Variants in SLC5A4 observed in about 807,000 individuals in gnomAD.
SLC5A4 encodes probable glucose sensor protein SLC5A4.
SLC5A4 carries 55 observed loss-of-function variants against 70.3 expected under a neutral mutation model. That is an observed-to-expected ratio of 0.78 (90% CI 0.63 to 0.98). The LOEUF is 0.98. Among genes scored for constraint, SLC5A4 ranks in the 50% least tolerant of loss-of-function variants. SLC5A4 has a pLI of 0.00. For synonymous variants in SLC5A4, 268 were observed against 305.7 expected, an observed-to-expected ratio of 0.88 and a Z score of 1.29; for missense variants, 735 against 839.2, an observed-to-expected ratio of 0.88 and a Z score of 1.53.
At chr22:32,282,750 C>T in the SLC5A4 span, among the ~76,000 whole-genome samples, 2 of 152,230 alleles carry the variant, frequency 1.3e-5, no homozygotes, top group Non-Finnish European at 2.9e-5. Context: ...GGGTTGGTGG[C>T]TGCCCTGTCT....
chr22:32,319,548 C>T, the SLC5A4 span, among the ~76,000 whole-genome samples: 1 of 152,182 alleles, frequency 6.6e-6, no homozygotes, highest in Non-Finnish European at 1.5e-5. Context: ...GATTCCTCAA[C>T]CTGCATAGCT....
chr22:32,222,024 T>C (rs186227788), intron 13 of SLC5A4, among the ~76,000 whole-genome samples: 19 of 152,364 alleles, frequency 1.2e-4, no homozygotes, highest in African/African-American at 4.6e-4. Flanking sequence ...CCCAAAGTGC[T>C]GGGATGACAG....
At chr22:32,244,160 A>G (rs1444213589) in intron 5 of SLC5A4, among the ~76,000 whole-genome samples, 2 of 152,234 alleles carry the variant, frequency 1.3e-5, no homozygotes, top group Non-Finnish European at 2.9e-5. Context: ...GTACAAATGC[A>G]AAGTACTTTC....
At chr22:32,286,290 G>C in the SLC5A4 span, among the ~76,000 whole-genome samples, 18,358 of 152,204 alleles carry the variant, frequency 0.12, 1,501 homozygotes, top group Non-Finnish European at 0.19. Flanking sequence ...TTTGTAGTAT[G>C]TTTTAATTTG....
chr22:32,342,627 T>A, the SLC5A4 span, among the ~76,000 whole-genome samples: 8 of 152,186 alleles, frequency 5.3e-5, no homozygotes, highest in Non-Finnish European at 1.2e-4. Context: ...TAGAAGTAAT[T>A]TACTTCTACT....
chr22:32,326,310 G>A, the SLC5A4 span, among the ~76,000 whole-genome samples: 11 of 149,486 alleles, frequency 7.4e-5, no homozygotes, highest in East Asian at 2.1e-3. Flanking sequence ...TGTCGCCCAG[G>A]CAATGGCACG....
chr22:32,289,421 G>A, the SLC5A4 span, among the ~76,000 whole-genome samples: 5 of 152,138 alleles, frequency 3.3e-5, no homozygotes, highest in Admixed American at 6.5e-5. Context: ...TGCTGTTCTC[G>A]TGAGAGTGAG....
the SLC5A4 span, among the ~76,000 whole-genome samples, chr22:32,335,131 C>G: frequency 3.3e-5 from 5 of 152,168 alleles, no homozygotes; most frequent in African/African-American, 7.2e-5. Context: ...GAGCCAGACA[C>G]AGATGGAAAA....
chr22:32,308,869 T>C, the SLC5A4 span, among the ~76,000 whole-genome samples: 9 of 152,186 alleles, frequency 5.9e-5, no homozygotes, highest in Non-Finnish European at 1.2e-4. Context: ...TGTGCATGTA[T>C]GTACTTGTTT....
the SLC5A4 span, among the ~76,000 whole-genome samples, chr22:32,309,857 C>T: frequency 3.3e-5 from 5 of 151,476 alleles, no homozygotes; most frequent in Non-Finnish European, 7.4e-5. Flanking sequence ...GCTGGCTGCA[C>T]TCTGCACCTG....
chr22:32,271,294 G>T, the SLC5A4 span: 2 of 747,696 alleles, frequency 2.7e-6, no homozygotes, highest in African/African-American at 1.7e-5. Context: ...ACAGGGCGAG[G>T]CCCGCAGGGA....
chr22:32,225,908 G>C, intron 11 of SLC5A4, 85 bp from the exon 12 acceptor site: 1 of 915,044 alleles, frequency 1.1e-6, no homozygotes. Context: ...GTTCATTCTT[G>C]TTGTCACTCA....
At chr22:32,254,478 T>C (rs917844187) in intron 1 of SLC5A4, among the ~76,000 whole-genome samples, 1 of 152,206 alleles carries the variant, frequency 6.6e-6, no homozygotes, top group Non-Finnish European at 1.5e-5. Context: ...ATGAAAACCA[T>C]GTGAGGTATC....
At chr22:32,321,984 T>A in the SLC5A4 span, among the ~76,000 whole-genome samples, 1 of 152,140 alleles carries the variant, frequency 6.6e-6, no homozygotes, top group Non-Finnish European at 1.5e-5. Flanking sequence ...GCATTGTGCA[T>A]AATTTGGGCA....
chr22:32,237,777 G>C lies in SLC5A4; in HGVS notation c.584-453C>G, dbSNP rs138526584. ...GTGTTTTGTGTTTTGCTGTAGTGTT[G>C]AACAACAACAACAACAAAAATCCAA... On this transcript the variant is annotated intron_variant, in intron 6 of 14. Coordinates refer to ENST00000266086, the MANE Select transcript of SLC5A4 (RefSeq NM_014227.3). 4.4e-3 allele frequency among the ~76,000 whole-genome samples: 667 copies of C among 151,958 alleles called. 8 individuals are homozygous for C. Among genetic ancestry groups the C allele is most frequent in the African/African-American group, 0.015 (640 of 41,420 alleles).
chr22:32,251,362 C>A (rs1196302375), intron 3 of SLC5A4, among the ~76,000 whole-genome samples: 2 of 151,980 alleles, frequency 1.3e-5, no homozygotes, highest in African/African-American at 4.8e-5. Context: ...GCTCTTCCCT[C>A]ATAAACAGAT....
chr22:32,347,671 C>T, the SLC5A4 span, among the ~76,000 whole-genome samples: 3 of 124,082 alleles, frequency 2.4e-5, no homozygotes, highest in Non-Finnish European at 4.7e-5. Context: ...CACATGGACA[C>T]AGGAAGGGGA....
chr22:32,314,134 A>G, the SLC5A4 span, among the ~76,000 whole-genome samples: 1 of 152,326 alleles, frequency 6.6e-6, no homozygotes, highest in East Asian at 1.9e-4. Context: ...CACTCTTTGC[A>G]TCAGTGGGAA....
At chr22:32,335,276 C>T in the SLC5A4 span, among the ~76,000 whole-genome samples, 3 of 152,238 alleles carry the variant, frequency 2.0e-5, no homozygotes, top group Admixed American at 2.0e-4. Flanking sequence ...CACCGGGAAG[C>T]AGATCCTGGG....
Sources: gnomAD v4.1 joint callset for allele counts (sites outside exome capture counted in the v4.1 genomes callset) on GRCh38, gnomAD v4.1.1 for gene constraint, MANE v1.5 for transcripts, NCBI Gene and HGNC (gene_info 2026-07-23, HGNC 2026-07-21) for gene names.